The following SORD variants were observed in gnomAD, a reference collection of about 807,000 sequenced individuals.
SORD encodes sorbitol dehydrogenase.
Under a neutral mutation model 35.6 loss-of-function variants are expected in SORD, and 18 were observed. The ratio of observed to expected loss-of-function variants is 0.51; its 90% CI spans 0.35 to 0.75. The LOEUF (loss-of-function observed/expected upper bound fraction) is 0.75, where lower values mean the gene tolerates loss of function less well. Ranked by LOEUF, SORD falls within the 30% of genes least tolerant of loss-of-function variation. SORD has a pLI of 0.01. For synonymous variants in SORD, 106 were observed against 152.9 expected (o/e 0.69, Z 2.26); for missense variants, 250 against 390.2 (o/e 0.64, Z 3.03).
intron 7 of SORD, chr15:45,069,806 G>A (rs1893480307): frequency 1.3e-5 from 2 of 152,126 alleles, no homozygotes; most frequent in Non-Finnish European, 2.9e-5. Context: ...TAGTCATGAA[G>A]GTGAGGTGAT....
At chr15:45,061,028 C>T (rs778189657) in intron 3 of SORD, 39 bp from the exon 4 acceptor site, 2 of 1,613,344 alleles carry the variant, frequency 1.2e-6, no homozygotes, top group Admixed American at 3.3e-5. Flanking sequence ...ACTCTGCTCC[C>T]ACCCTCGGAC....
intron 1 of SORD, among the ~76,000 whole-genome samples, chr15:45,025,049 T>A (rs1234316020): frequency 6.6e-6 from 1 of 152,192 alleles, no homozygotes; most frequent in Non-Finnish European, 1.5e-5. Flanking sequence ...AGACAAAGCT[T>A]TGAAGATTAG....
chr15:45,038,998 G>A (rs1448296915), intron 1 of SORD, among the ~76,000 whole-genome samples: 2 of 152,204 alleles, frequency 1.3e-5, no homozygotes, highest in African/African-American at 4.8e-5. Flanking sequence ...CTCTCTGGTA[G>A]CATGACCTTG....
intron 1 of SORD, among the ~76,000 whole-genome samples, chr15:45,025,255 G>C (rs1162666956): frequency 1.3e-5 from 2 of 152,296 alleles, no homozygotes; most frequent in Middle Eastern, 3.4e-3. Context: ...AAAACACCTA[G>C]GCTCAGTTTG....
chr15:45,067,098 A>C (rs950511919), intron 5 of SORD, among the ~76,000 whole-genome samples: 2 of 152,202 alleles, frequency 1.3e-5, no homozygotes, highest in Non-Finnish European at 1.5e-5. Context: ...ATGGTGGCTC[A>C]TGCCTGTAAT....
At chr15:45,037,880 G>C (rs1286872921) in intron 1 of SORD, among the ~76,000 whole-genome samples, 1 of 151,500 alleles carries the variant, frequency 6.6e-6, no homozygotes, top group Admixed American at 6.6e-5. Flanking sequence ...GTGACAGGTT[G>C]ATAGGTGCAG....
At chr15:45,034,863 G>C (rs1263428275) in intron 1 of SORD, among the ~76,000 whole-genome samples, 2 of 152,214 alleles carry the variant, frequency 1.3e-5, no homozygotes, top group Non-Finnish European at 1.5e-5. Context: ...CCGGGGCTTC[G>C]CGCCGCGCTT....
chr15:45,045,862 G>A (rs1163203262), intron 3 of SORD, among the ~76,000 whole-genome samples: 2 of 152,080 alleles, frequency 1.3e-5, no homozygotes, highest in African/African-American at 4.8e-5. Context: ...TTAGCTGGGT[G>A]TGGTAGTGTG....
At chr15:45,065,798 T>C (rs1448703937) in intron 5 of SORD, among the ~76,000 whole-genome samples, 2 of 152,056 alleles carry the variant, frequency 1.3e-5, no homozygotes, top group Non-Finnish European at 2.9e-5. Context: ...TGTGTGTCTG[T>C]AGTTCCAGCT....
At chr15:45,040,821 A>T (rs1892954676) in intron 2 of SORD, among the ~76,000 whole-genome samples, 1 of 152,172 alleles carries the variant, frequency 6.6e-6, no homozygotes, top group Non-Finnish European at 1.5e-5. Context: ...TCCTAACCCT[A>T]ACCCAAACTT....
chr15:45,045,569 A>T (rs1893035085), intron 3 of SORD, among the ~76,000 whole-genome samples: 1 of 131,398 alleles, frequency 7.6e-6, no homozygotes, highest in South Asian at 2.4e-4. Context: ...AAAAAAAAAA[A>T]GAGGAAGTGA....
At chr15:45,069,111 T>C (rs1249589325) in intron 7 of SORD, 59 bp downstream of exon 7, 4 of 1,322,390 alleles carry the variant, frequency 3.0e-6, no homozygotes, top group East Asian at 2.8e-5. Flanking sequence ...GAGGCAGAAG[T>C]AGGGAGTCAA....
At chr15:45,030,217 T>C (rs1451491443) in intron 1 of SORD, among the ~76,000 whole-genome samples, 1 of 152,248 alleles carries the variant, frequency 6.6e-6, no homozygotes, top group Non-Finnish European at 1.5e-5. Context: ...CTCCTTTTGC[T>C]ATCAAAAGCA....
At chr15:45,053,288 C>G (rs1021038687) in intron 3 of SORD, among the ~76,000 whole-genome samples, 1 of 152,202 alleles carries the variant, frequency 6.6e-6, no homozygotes, top group Non-Finnish European at 1.5e-5. Flanking sequence ...TCTGTGTTCT[C>G]TTATGAGATT....
chr15:45,068,125 T>G (rs1242719180), intron 5 of SORD, 56 bp from the exon 6 acceptor site: 1 of 1,338,504 alleles, frequency 7.5e-7, no homozygotes, highest in African/African-American at 1.4e-5. Flanking sequence ...CCTGGACAAG[T>G]GGGAGAGCAG....
Position 45,055,579 on chromosome 15 carries a change from C to T in SORD, c.266-5488C>T, listed in dbSNP as rs543280715. 5.6e-4 allele frequency among the ~76,000 whole-genome samples: 86 copies of T among 152,288 alleles called. No homozygotes were observed. In the East Asian group the frequency reaches 0.012, roughly 21 times the overall value. ...CAGAGGTACAAGGAGGAACTGGTAC[C>T]ATTCCTTCTGAAACTATTCCAATCA... On this transcript the variant is annotated intron_variant, in intron 3 of 8. Coordinates refer to ENST00000267814, the MANE Select transcript of SORD (RefSeq NM_003104.6).
intron 3 of SORD, among the ~76,000 whole-genome samples, chr15:45,049,520 A>C (rs2470686): frequency 0.88 from 133,613 of 152,234 alleles, 58,668 homozygotes; most frequent in Middle Eastern, 0.92. Context: ...AAGCTCAAAA[A>C]TCCCAAAGCT....
rs764684881 is a variant in SORD, at chr15:45,061,148, C to A, written c.347C>A (p.Ser116Tyr). The A allele has an allele frequency of 1.2e-6, 2 of 1,614,052 alleles. No individual in the cohort carries two copies. The highest frequency in any genetic ancestry group is 8.5e-7 in the Non-Finnish European group (1 of 1,180,024). Residue 116 changes from serine (S) to tyrosine (Y), a missense_variant, in exon 4 of 9, where the codon TCC (serine) becomes TAC (tyrosine). Physicochemically the swap from Ser to Tyr is moderately radical, Grantham distance 144 (BLOSUM62 -2). Coordinates refer to ENST00000267814, the MANE Select transcript of SORD (RefSeq NM_003104.6). ...CKMGRYNLSP[S>Y]IFFCATPPDD... ...ATGGGCCGATACAATCTGTCACCTT[C>A]CATCTTCTTCTGTGCCACGCCCCCC...
chr15:45,030,757 G>T (rs2141263618), intron 1 of SORD, among the ~76,000 whole-genome samples: 1 of 152,328 alleles, frequency 6.6e-6, no homozygotes, highest in South Asian at 2.1e-4. Flanking sequence ...ATCCTGTGTG[G>T]ATTCAATGCT....
Sources: gnomAD v4.1 joint callset for allele counts (sites outside exome capture counted in the v4.1 genomes callset) on GRCh38, gnomAD v4.1.1 for gene constraint, MANE v1.5 for transcripts, NCBI Gene and HGNC (gene_info 2026-07-23, HGNC 2026-07-21) for gene names.